CCDC3: variants seen among roughly 807,000 people sequenced by gnomAD.
CCDC3 encodes the protein coiled-coil domain containing 3, also known as coiled-coil domain-containing protein 3.
In CCDC3, 24 loss-of-function variants were observed where a neutral mutation model predicts 21.4. That is an observed-to-expected ratio of 1.12 (90% CI 0.81 to 1.58). The LOEUF (loss-of-function observed/expected upper bound fraction) is 1.58, where lower values mean the gene tolerates loss of function less well. CCDC3 is among the 40% of genes most tolerant of loss of function. The probability of loss-of-function intolerance (pLI) is 0.00; values close to 1 mark genes in which losing one functional copy is unlikely to be tolerated. For missense variants in CCDC3, 425 were observed against 360.9 expected, an observed-to-expected ratio of 1.18 and a Z score of -1.44; for synonymous variants, 186 against 166.0, an observed-to-expected ratio of 1.12 and a Z score of -0.93.
chr10:12,981,092 T>C (rs1485412538), intron 2 of CCDC3, among the ~76,000 whole-genome samples: 1 of 151,866 alleles, frequency 6.6e-6, no homozygotes, highest in Admixed American at 6.6e-5. Context: ...AGGCTGGTCT[T>C]GAACTCCTGG....
At chr10:12,984,936 G>A (rs77166544) in intron 2 of CCDC3, among the ~76,000 whole-genome samples, 3,018 of 152,222 alleles carry the variant, frequency 0.02, 90 homozygotes, top group African/African-American at 0.068. Context: ...AATGGATCTG[G>A]GGTTTCTTTT....
chr10:13,099,644 G>C, exon 1 of CCDC3: 1 of 152,054 alleles, frequency 6.6e-6, no homozygotes, highest in South Asian at 2.1e-4. Context: ...TCTGCTTTTT[G>C]AGTGTATTTT....
rs1000812675 is a variant in CCDC3 at position 13,091,833 on chromosome 10, A to T, written c.-503+6692T>A. 2.8e-4 allele frequency among the ~76,000 whole-genome samples: 36 copies of T among 128,942 alleles called. No homozygotes were observed. In the East Asian group the frequency reaches 4.4e-3, roughly 16 times the overall value. The allele number at this position is 128,942 out of a possible 152,430, so 84.6% of individuals were successfully genotyped here. ...AAAAGCCCAATCCAAAAAAAAAAAA[A>T]AAAAAAAATTCCTCCTTGCTGGCAG... On this transcript the variant is annotated intron_variant, in intron 3 of 6. Coordinates refer to the CCDC3 transcript ENST00000378839.
At chr10:13,096,880 T>C (rs1356858471) in intron 3 of CCDC3, among the ~76,000 whole-genome samples, 1 of 152,122 alleles carries the variant, frequency 6.6e-6, no homozygotes, top group Non-Finnish European at 1.5e-5. Context: ...CCTCCAACTG[T>C]TGTGAAAGCC....
rs202066258 is a variant in CCDC3, at chr10:13,096,089, A to ATCTTT, written c.-503+2431_-503+2435dup. Among the ~76,000 whole-genome samples the ATCTTT allele has an allele frequency of 3.9e-5, 6 of 151,972 alleles. No homozygotes were observed. The South Asian group carries it at 6.2e-4, about 16-fold the overall frequency. On this transcript the variant is annotated intron_variant, in intron 3 of 6. Transcript: ENST00000378839. The stretch of plus-strand genomic sequence containing the variant: ...TCAGATGCACATAAAAATATTACAT[A>ATCTTT]TCTTTTCTTTTCTTTTCCTTCCTTC...
At chr10:13,048,334 G>C (rs1836556804) in intron 5 of CCDC3, among the ~76,000 whole-genome samples, 1 of 151,940 alleles carries the variant, frequency 6.6e-6, no homozygotes, top group Admixed American at 6.6e-5. Context: ...AGGGACTACA[G>C]GTGCGCACCA....
intron 5 of CCDC3, among the ~76,000 whole-genome samples, chr10:13,048,130 G>T (rs561288075): frequency 6.6e-6 from 1 of 152,136 alleles, no homozygotes; most frequent in Non-Finnish European, 1.5e-5. Flanking sequence ...CAAAAGAAAA[G>T]GTAGCTTCTT....
chr10:12,987,187 A>T (rs567212214), intron 2 of CCDC3, among the ~76,000 whole-genome samples: 1 of 152,138 alleles, frequency 6.6e-6, no homozygotes, highest in South Asian at 2.1e-4. Flanking sequence ...AAATCCTCCC[A>T]TTTCCTGTGG....
rs755186106 is a variant in CCDC3, at chr10:12,897,727, A to G, written c.*689T>C. On this transcript the variant is annotated 3_prime_UTR_variant, in exon 3 of 3. Coordinates refer to ENST00000378825, the MANE Select transcript of CCDC3 (RefSeq NM_031455.4). Reference sequence around the variant, plus strand: ...GTTGCCCCCTGTGTTAACGCGACCCATAGGTATCATCTTCAACTCTTTGTA... The same window carrying G: ...GTTGCCCCCTGTGTTAACGCGACCCGTAGGTATCATCTTCAACTCTTTGTA... 1.3e-5 allele frequency: 2 copies of G among 152,240 alleles called. No homozygotes were observed. The highest frequency in any genetic ancestry group is 2.4e-5 in the African/African-American group (1 of 41,458). 9.4% of individuals were successfully genotyped at this position (152,240 alleles called of 1,614,324 possible).
At chr10:12,979,325 C>T (rs1835462413) in intron 2 of CCDC3, among the ~76,000 whole-genome samples, 1 of 151,928 alleles carries the variant, frequency 6.6e-6, no homozygotes, top group African/African-American at 2.4e-5. Context: ...GCTGCCTGCC[C>T]TCCCTTTCTT....
chr10:12,959,313 G>T (rs557397967), intron 2 of CCDC3, among the ~76,000 whole-genome samples: 1 of 152,020 alleles, frequency 6.6e-6, no homozygotes, highest in East Asian at 1.9e-4. Flanking sequence ...GATTATAGGT[G>T]CCCGCCAGCA....
chr10:12,969,138 G>C (rs996327344), intron 2 of CCDC3, among the ~76,000 whole-genome samples: 2 of 151,986 alleles, frequency 1.3e-5, no homozygotes, highest in Non-Finnish European at 2.9e-5. Flanking sequence ...TTAAAAAATG[G>C]GCAAAGGACC....
Position 13,089,527 on chromosome 10 carries a change from C to T in CCDC3, c.-503+8998G>A, listed in dbSNP as rs113452137. 1.5e-3 allele frequency among the ~76,000 whole-genome samples: 221 copies of T among 152,214 alleles called. 1 individual carries two copies. The highest frequency in any genetic ancestry group is 4.9e-3 in the African/African-American group (204 of 41,532). ...CCCTCTCCTTCCTGATACTTTTCCT[C>T]ACTTGACTTCGGGGACATTGCTCTC... On this transcript the variant is annotated intron_variant, in intron 3 of 6. Coordinates refer to the CCDC3 transcript ENST00000378839.
At chr10:12,906,004 T>A (rs1396469666) in intron 2 of CCDC3, among the ~76,000 whole-genome samples, 1 of 152,244 alleles carries the variant, frequency 6.6e-6, no homozygotes. Context: ...TCCTCCGTAG[T>A]GCCTTTTGGC....
intron 4 of CCDC3, chr10:13,058,250 G>A: frequency 7.3e-7 from 1 of 1,377,400 alleles, no homozygotes; most frequent in African/African-American, 1.4e-5. Flanking sequence ...CAAATAGCAG[G>A]TAAAGGCACC....
chr10:12,948,290 C>T (rs1273271937), intron 2 of CCDC3, among the ~76,000 whole-genome samples: 1 of 152,164 alleles, frequency 6.6e-6, no homozygotes, highest in Non-Finnish European at 1.5e-5. Flanking sequence ...TCCATTAAAC[C>T]TCTTTCCTTC....
At chr10:12,957,505 C>T (rs1194741910) in intron 2 of CCDC3, among the ~76,000 whole-genome samples, 1 of 152,160 alleles carries the variant, frequency 6.6e-6, no homozygotes, top group Non-Finnish European at 1.5e-5. Context: ...GTGTTCCTGC[C>T]GCAGTCTCAC....
At chr10:12,989,748 G>A (rs1357703049) in intron 2 of CCDC3, among the ~76,000 whole-genome samples, 3 of 152,206 alleles carry the variant, frequency 2.0e-5, no homozygotes, top group Middle Eastern at 6.8e-3. Context: ...CAGTCCATGA[G>A]ATCAAAACTA....
chr10:12,973,209 G>T (rs1485866146), intron 2 of CCDC3, among the ~76,000 whole-genome samples: 2 of 152,178 alleles, frequency 1.3e-5, no homozygotes, highest in Admixed American at 6.5e-5. Context: ...TGGATTACAG[G>T]GGAAGGGAGT....
Sources: gnomAD v4.1 joint callset for allele counts (sites outside exome capture counted in the v4.1 genomes callset) on GRCh38, gnomAD v4.1.1 for gene constraint, MANE v1.5 for transcripts, NCBI Gene and HGNC (gene_info 2026-07-23, HGNC 2026-07-21) for gene names.